CACNA1E: variants seen among roughly 807,000 people sequenced by gnomAD.
The protein encoded by CACNA1E is voltage-dependent R-type calcium channel subunit alpha-1E.
CACNA1E carries 40 observed loss-of-function variants against 259.2 expected under a neutral mutation model. That is an observed-to-expected ratio of 0.15 (90% CI 0.12 to 0.20). The LOEUF (loss-of-function observed/expected upper bound fraction) is 0.20, where lower values mean the gene tolerates loss of function less well. Among genes scored for constraint, CACNA1E ranks in the 10% least tolerant of loss-of-function variants. The pLI is 1.00. For synonymous variants in CACNA1E, 1,104 were observed against 1,138.5 expected (o/e 0.97, Z 0.61); for missense variants, 1,874 against 3,040.1 (o/e 0.62, Z 9.02).
chr1:181,755,427 T>C (rs774176286), intron 28 of CACNA1E, 30 bp downstream of exon 28: 38 of 1,600,014 alleles, frequency 2.4e-5, no homozygotes, highest in Non-Finnish European at 3.2e-5. Flanking sequence ...TCCACTTGAT[T>C]TTGCTGAAGC....
intron 1 of CACNA1E, among the ~76,000 whole-genome samples, chr1:181,344,302 T>G (rs948074531): frequency 3.3e-5 from 5 of 152,196 alleles, no homozygotes; most frequent in African/African-American, 1.2e-4. Context: ...CAAACGTACT[T>G]CCGTACGCAT....
At chr1:181,653,578 T>C (rs547474225) in intron 7 of CACNA1E, among the ~76,000 whole-genome samples, 1 of 152,200 alleles carries the variant, frequency 6.6e-6, no homozygotes, top group Non-Finnish European at 1.5e-5. Context: ...CTCCAAGGGC[T>C]CTAAAGGAGA....
chr1:181,685,837 C>T (rs1364111063), intron 7 of CACNA1E, among the ~76,000 whole-genome samples: 1 of 152,078 alleles, frequency 6.6e-6, no homozygotes, highest in East Asian at 1.9e-4. Flanking sequence ...CCACTTGTTT[C>T]CTATGTTGTA....
Position 181,580,802 on chromosome 1 carries a change from AAGG to A in CACNA1E, c.951+33_951+35del, listed in dbSNP as rs763731601. 10 of 1,610,324 alleles carry A rather than the reference AAGG, an allele frequency of 6.2e-6. No homozygotes were observed. The African/African-American group carries it at 1.3e-4, about 22-fold the overall frequency. ...GTGAGTAGAGCTGGTGGGGACCTGG[AAGG>A]AGGAGGGAAGAACCCTGGATGGAGG... On this transcript the variant is annotated intron_variant, in intron 6 of 47. Transcript: ENST00000367573.
intron 1 of CACNA1E, among the ~76,000 whole-genome samples, chr1:181,402,620 A>C (rs1457518247): frequency 6.6e-6 from 1 of 152,180 alleles, no homozygotes; most frequent in East Asian, 1.9e-4. Flanking sequence ...TGCTGACAAC[A>C]GCTCTGCTTC....
chr1:181,441,763 A>G (rs1029483648), intron 2 of CACNA1E, among the ~76,000 whole-genome samples: 1 of 152,106 alleles, frequency 6.6e-6, no homozygotes, highest in Non-Finnish European at 1.5e-5. Flanking sequence ...ATTTGCGGGC[A>G]GCTGTAAGTG....
chr1:181,379,486 G>A (rs1211924972), intron 1 of CACNA1E, among the ~76,000 whole-genome samples: 1 of 152,192 alleles, frequency 6.6e-6, no homozygotes, highest in Non-Finnish European at 1.5e-5. Flanking sequence ...GCCTTAATAA[G>A]ATACCACAAA....
intron 1 of CACNA1E, among the ~76,000 whole-genome samples, chr1:181,370,194 T>C (rs1654580267): frequency 6.6e-6 from 1 of 152,140 alleles, no homozygotes. Context: ...TGTGTTAGTG[T>C]TGCCTTCCTC....
intron 1 of CACNA1E, among the ~76,000 whole-genome samples, chr1:181,331,876 A>G (rs188162678): frequency 1.3e-5 from 2 of 152,328 alleles, no homozygotes; most frequent in Admixed American, 1.3e-4. Flanking sequence ...GGTTTGTCGA[A>G]GATCAGATAA....
At chr1:181,435,658 C>T (rs1239615656) in intron 2 of CACNA1E, among the ~76,000 whole-genome samples, 2 of 152,116 alleles carry the variant, frequency 1.3e-5, no homozygotes, top group Admixed American at 1.3e-4. Flanking sequence ...CAGGGTCTGC[C>T]ACATAGTAGG....
chr1:181,497,806 G>T (rs1286758933), intron 1 of CACNA1E, among the ~76,000 whole-genome samples: 2 of 152,180 alleles, frequency 1.3e-5, no homozygotes, highest in Non-Finnish European at 2.9e-5. Flanking sequence ...GCATCACTGG[G>T]TATGAGGCTA....
At chr1:181,735,257 T>C (rs747546610) in intron 21 of CACNA1E, among the ~76,000 whole-genome samples, 17 of 152,244 alleles carry the variant, frequency 1.1e-4, no homozygotes, top group Non-Finnish European at 2.2e-4. Context: ...TTTTGGGCCT[T>C]CTTTTATGAG....
chr1:181,402,737 C>CAT (rs1370639752), intron 1 of CACNA1E, among the ~76,000 whole-genome samples: 2 of 152,136 alleles, frequency 1.3e-5, no homozygotes, highest in Non-Finnish European at 2.9e-5. Flanking sequence ...CACACATGTA[C>CAT]ATATGTACAT....
Position 181,580,647 on chromosome 1 carries a change from A to C in CACNA1E, c.822A>C (p.Pro274=). The C allele has an allele frequency of 3.7e-6, 6 of 1,614,094 alleles. No homozygotes were observed. Among genetic ancestry groups the C allele is most frequent in the Non-Finnish European group, 4.2e-6 (5 of 1,179,898 alleles). ...PPHPCGVQGC[P]AGYECKDWIG... Reference sequence around the variant, plus strand: ...ACCCATGTGGTGTGCAGGGCTGCCCAGCTGGTTATGAATGCAAGGACTGGA... The same window carrying C: ...ACCCATGTGGTGTGCAGGGCTGCCCCGCTGGTTATGAATGCAAGGACTGGA... The change falls in exon 6 of 48, where the codon CCA becomes CCC. Residue 274 remains proline, a synonymous_variant. Coordinates refer to ENST00000367573, the MANE Select transcript of CACNA1E (RefSeq NM_001205293.3).
intron 7 of CACNA1E, among the ~76,000 whole-genome samples, chr1:181,705,964 T>A (rs1652755541): frequency 6.6e-6 from 1 of 151,996 alleles, no homozygotes; most frequent in African/African-American, 2.4e-5. Flanking sequence ...TTGTTTTTGT[T>A]CCCCTTGTTT....
intron 35 of CACNA1E, among the ~76,000 whole-genome samples, chr1:181,767,367 C>T (rs1276281487): frequency 6.6e-6 from 1 of 152,162 alleles, no homozygotes; most frequent in East Asian, 1.9e-4. Context: ...TCCCATGAAC[C>T]TATCTGGTTG....
chr1:181,362,977 T>C (rs1421367409), intron 1 of CACNA1E, among the ~76,000 whole-genome samples: 1 of 152,200 alleles, frequency 6.6e-6, no homozygotes, highest in Non-Finnish European at 1.5e-5. Context: ...GAGGTATCTG[T>C]GAAAGGACAT....
At chr1:181,731,608 C>T (rs1419397642) in intron 19 of CACNA1E, among the ~76,000 whole-genome samples, 1 of 152,072 alleles carries the variant, frequency 6.6e-6, no homozygotes, top group African/African-American at 2.4e-5. Context: ...AGGTGTGCGC[C>T]CACAGGCACA....
intron 3 of CACNA1E, among the ~76,000 whole-genome samples, chr1:181,526,073 G>A (rs1667337067): frequency 6.6e-6 from 1 of 152,180 alleles, no homozygotes. Context: ...TCAGGAGGCA[G>A]GGAGGGGAAG....
Sources: gnomAD v4.1 joint callset for allele counts (sites outside exome capture counted in the v4.1 genomes callset) on GRCh38, gnomAD v4.1.1 for gene constraint, MANE v1.5 for transcripts, NCBI Gene and HGNC (gene_info 2026-07-23, HGNC 2026-07-21) for gene names.